The following CXCL13 variants were observed in gnomAD, a reference collection of about 807,000 sequenced individuals.
CXCL13 encodes the protein C-X-C motif chemokine 13.
A neutral mutation model predicts 12.2 loss-of-function variants in CXCL13; 7 were observed. The observed-to-expected ratio is 0.57, with a 90% CI of 0.33 to 1.07. The LOEUF (loss-of-function observed/expected upper bound fraction) is 1.07, where lower values mean the gene tolerates loss of function less well. Ranked by LOEUF, CXCL13 falls within the 50% of genes least tolerant of loss-of-function variation. CXCL13 has a pLI of 0.04. For synonymous variants in CXCL13, 47 were observed against 42.4 expected (o/e 1.11, Z -0.42); for missense variants, 113 against 127.4 (o/e 0.89, Z 0.55).
chr4:77,570,132 G>A (rs1726033526), intron 1 of CXCL13, among the ~76,000 whole-genome samples: 1 of 152,274 alleles, frequency 6.6e-6, no homozygotes, highest in Admixed American at 6.5e-5. Flanking sequence ...ATTCAACATG[G>A]ATTAAAGACT....
intron 1 of CXCL13, among the ~76,000 whole-genome samples, chr4:77,551,774 T>TTTTTAATTTTTTTTTTTA (rs1725528063): frequency 6.6e-6 from 1 of 152,100 alleles, no homozygotes; most frequent in Non-Finnish European, 1.5e-5. Context: ...TCAAAGACTT[T>TTTTTAATTTTTTTTTTTA]GTTTATTTTT....
intron 1 of CXCL13, among the ~76,000 whole-genome samples, chr4:77,587,281 C>T (rs982359001): frequency 2.6e-5 from 4 of 152,182 alleles, no homozygotes; most frequent in Admixed American, 1.3e-4. Flanking sequence ...ACCACCATCC[C>T]CTTTGTTCAT....
intron 1 of CXCL13, among the ~76,000 whole-genome samples, chr4:77,583,022 G>C (rs1726375622): frequency 6.6e-6 from 1 of 152,156 alleles, no homozygotes; most frequent in African/African-American, 2.4e-5. Context: ...TACTGGGGTT[G>C]AAGCTTTTAA....
chr4:77,567,719 GAC>G (rs1373180313), intron 1 of CXCL13, among the ~76,000 whole-genome samples: 1 of 152,118 alleles, frequency 6.6e-6, no homozygotes, highest in Non-Finnish European at 1.5e-5. Context: ...CATGCTAAAA[GAC>G]ACTCCCACCA....
intron 1 of CXCL13, among the ~76,000 whole-genome samples, chr4:77,523,466 T>C (rs1185924130): frequency 6.6e-6 from 1 of 152,236 alleles, no homozygotes; most frequent in African/African-American, 2.4e-5. Flanking sequence ...AATTTGATCT[T>C]CAGTGACTGA....
chr4:77,610,746 T>G lies in CXCL13; in HGVS notation c.278+52T>G. ...AGATTCCAACTTGTACTGAAGAGTT[T>G]CCCTTTCCTGGGCAGTCAAAATAGG... On this transcript the variant is annotated intron_variant, in intron 3 of 3. Transcript: ENST00000682537. 4 of 1,385,252 alleles carry G rather than the reference T, an allele frequency of 2.9e-6. No individual in the cohort carries two copies. In the Admixed American group the frequency reaches 6.7e-5, roughly 23 times the overall value. The allele number at this position is 1,385,252 out of a possible 1,614,324, so 85.8% of individuals were successfully genotyped here. A position where few individuals can be genotyped will look rare whatever the true frequency, so the allele number is the denominator to read the frequency against.
chr4:77,576,481 A>G (rs1326919359), intron 1 of CXCL13, among the ~76,000 whole-genome samples: 2 of 152,192 alleles, frequency 1.3e-5, no homozygotes, highest in African/African-American at 2.4e-5. Flanking sequence ...ACAAGAATCC[A>G]CTTTCTTGCA....
chr4:77,554,765 C>A (rs1725621235), intron 1 of CXCL13, among the ~76,000 whole-genome samples: 1 of 151,912 alleles, frequency 6.6e-6, no homozygotes, highest in Non-Finnish European at 1.5e-5. Context: ...ACAAAAGAAT[C>A]AATTAGAAAT....
At chr4:77,527,397 T>A (rs1032568192) in intron 1 of CXCL13, among the ~76,000 whole-genome samples, 1 of 152,166 alleles carries the variant, frequency 6.6e-6, no homozygotes, top group Non-Finnish European at 1.5e-5. Flanking sequence ...TTTGGGAGGC[T>A]GAGGCGGGTG....
upstream of CXCL13, among the ~76,000 whole-genome samples, chr4:77,602,652 A>C (rs1351811456): frequency 6.6e-6 from 1 of 151,896 alleles, no homozygotes; most frequent in East Asian, 1.9e-4. Flanking sequence ...CAAAAAAAAA[A>C]CTTCCCTATA....
intron 1 of CXCL13, among the ~76,000 whole-genome samples, chr4:77,566,684 C>T (rs1392993116): frequency 1.3e-5 from 2 of 152,132 alleles, no homozygotes; most frequent in African/African-American, 4.8e-5. Flanking sequence ...TTCAGAGCCT[C>T]CTGTCCCCTC....
intron 1 of CXCL13, among the ~76,000 whole-genome samples, chr4:77,554,295 ATAGCTTGTAAACATT>A (rs1725607562): frequency 6.6e-6 from 1 of 152,164 alleles, no homozygotes; most frequent in Non-Finnish European, 1.5e-5. Flanking sequence ...GAAAATTATT[ATAGCTTGTAAACATT>A]TACCTTAAGA....
At chr4:77,577,613 T>C (rs1038283307) in intron 1 of CXCL13, among the ~76,000 whole-genome samples, 7 of 152,178 alleles carry the variant, frequency 4.6e-5, no homozygotes, top group African/African-American at 9.7e-5. Context: ...AGGACGTACA[T>C]GGGTCAGAGT....
chr4:77,529,203 C>G (rs1484699498), intron 1 of CXCL13, among the ~76,000 whole-genome samples: 1 of 152,146 alleles, frequency 6.6e-6, no homozygotes, highest in Non-Finnish European at 1.5e-5. Context: ...AGTTTGAGGT[C>G]AGGTAGCGTG....
upstream of CXCL13, chr4:77,605,692 T>C (rs1273407831): frequency 1.2e-5 from 5 of 412,090 alleles, no homozygotes; most frequent in Non-Finnish European, 2.2e-5. Context: ...AGAGAAGTTT[T>C]AAAAAAGCAA....
intron 1 of CXCL13, among the ~76,000 whole-genome samples, chr4:77,515,414 C>T (rs1403907800): frequency 8.5e-5 from 13 of 152,078 alleles, no homozygotes; most frequent in African/African-American, 2.4e-4. Context: ...GCCATTTTCA[C>T]GATATTGATT....
At chr4:77,544,464 T>C (rs1036617996) in intron 1 of CXCL13, among the ~76,000 whole-genome samples, 3 of 152,212 alleles carry the variant, frequency 2.0e-5, no homozygotes, top group Non-Finnish European at 4.4e-5. Flanking sequence ...TGGTATCTCA[T>C]TGTGGTTTTG....
intron 1 of CXCL13, among the ~76,000 whole-genome samples, chr4:77,576,526 A>G (rs1488029756): frequency 2.0e-5 from 3 of 152,228 alleles, no homozygotes; most frequent in Non-Finnish European, 2.9e-5. Context: ...AATTGGCCTC[A>G]TACCTTGTTT....
intron 1 of CXCL13, among the ~76,000 whole-genome samples, chr4:77,584,617 T>C (rs1022172198): frequency 1.3e-5 from 2 of 152,106 alleles, no homozygotes; most frequent in Non-Finnish European, 2.9e-5. Flanking sequence ...ATGGCTGAAT[T>C]TGAGTTTCTA....
Sources: gnomAD v4.1 joint callset for allele counts (sites outside exome capture counted in the v4.1 genomes callset) on GRCh38, gnomAD v4.1.1 for gene constraint, MANE v1.5 for transcripts, NCBI Gene and HGNC (gene_info 2026-07-23, HGNC 2026-07-21) for gene names.